The following NUTM2F variants were observed in gnomAD, a reference collection of about 807,000 sequenced individuals.
NUTM2F encodes family with sequence similarity 22, member F.
NUTM2F carries 22 observed loss-of-function variants against 43.3 expected under a neutral mutation model. The ratio of observed to expected loss-of-function variants is 0.51; its 90% CI spans 0.36 to 0.73. The LOEUF (loss-of-function observed/expected upper bound fraction) is 0.73, where lower values mean the gene tolerates loss of function less well. NUTM2F is among the 30% of genes least tolerant of loss of function. The pLI is 0.00. For synonymous variants in NUTM2F, 202 were observed against 389.0 expected (o/e 0.52, Z 5.66); for missense variants, 488 against 927.4 (o/e 0.53, Z 6.15).
At position 94,318,643 on chromosome 9, in the gene NUTM2F, TTCTTGGA is replaced by T. The variant is rs1338569154; in HGVS notation, c.2086_2092del (p.Lys697AspfsTer97). 7.1e-7 allele frequency: 1 copy of T among 1,417,236 alleles called. No homozygotes were observed. The highest frequency in any genetic ancestry group is 6.7e-5 in the East Asian group (1 of 15,030). 87.8% of individuals were successfully genotyped at this position (1,417,236 alleles called of 1,614,324 possible). Reference sequence around the variant, plus strand: ...GGATGGGCTTCCAAAGAGAGGTCGCTTCTTGGACTTGCTGGCAGGAGAAGGTGATGGG... The same window carrying T: ...GGATGGGCTTCCAAAGAGAGGTCGCTCTTGCTGGCAGGAGAAGGTGATGGG... On this transcript the variant is annotated frameshift_variant, in exon 7 of 7. Coordinates refer to ENST00000253262, the MANE Select transcript of NUTM2F (RefSeq NM_017561.2). LOFTEE classifies it low-confidence loss of function (END_TRUNC).
In NUTM2F at chr9:94,320,159, G is replaced by T. The variant is rs752668481; in HGVS notation, c.1368+49C>A. ...AGAGCTTAATTCCAAGGACCTGGAA[G>T]TGCCACCCCCTGGAATCCTACAGAC... On this transcript the variant is annotated intron_variant, in intron 5 of 6. Coordinates refer to ENST00000253262, the MANE Select transcript of NUTM2F (RefSeq NM_017561.2). This position sits in a 1 kb window ranked among gnomAD's most constrained non-coding sequence, Gnocchi z 4.5. The T allele has an allele frequency of 6.4e-6, 10 of 1,555,688 alleles. No individual in the cohort carries two copies. The South Asian group carries it at 1.0e-4, about 16-fold the overall frequency.
chr9:94,321,424 C>A (rs1330851674), intron 3 of NUTM2F, among the ~76,000 whole-genome samples, 192 bp from the exon 4 acceptor site: 1 of 150,680 alleles, frequency 6.6e-6, no homozygotes, highest in Non-Finnish European at 1.5e-5. Context: ...TCACCCGGCC[C>A]CTGCAGAGCC....
At chr9:94,326,351 GGAAACCA>G (rs1002174467) in intron 1 of NUTM2F, among the ~76,000 whole-genome samples, 5 of 151,542 alleles carry the variant, frequency 3.3e-5, no homozygotes, top group African/African-American at 1.2e-4. Flanking sequence ...AAGGCCGACA[GGAAACCA>G]GAAGTTTCCG....
At position 94,321,104 on chromosome 9, in the gene NUTM2F, A is replaced by G; in HGVS notation, c.971T>C (p.Val324Ala). 1 of 1,549,438 alleles carries G rather than the reference A, an allele frequency of 6.5e-7. No individual in the cohort carries two copies. The highest frequency in any genetic ancestry group is 1.2e-5 in the South Asian group (1 of 85,164). ...EPRGPPAPEV[V>A]KQPVYLPSKD... is the part of the protein sequence containing the mutation. ...GTGGGAAGCTGTACCTGGCTGCTTG[A>G]CCACCTCAGGGGCAGGGGGTCCTCG... The change falls in exon 4 of 7, where the codon GTC (valine) becomes GCC (alanine). Residue 324 changes from valine to alanine, a missense_variant. Physicochemically the swap from Val to Ala is moderately conservative, Grantham distance 64. Transcript: ENST00000253262.
chr9:94,325,619 G>A lies in NUTM2F; in HGVS notation c.332C>T (p.Ala111Val), dbSNP rs1321601501. ...GACACCTCCACAGAGGGTGCCTGGA[G>A]CCTGCCAGACGAGGGGGGCCTGAGT... Reference protein sequence around the residue: ...ILTQAPLVWQAPGTLCGGVMC... With the variant: ...ILTQAPLVWQVPGTLCGGVMC... Residue 111 changes from alanine (A) to valine (V), a missense_variant, in exon 2 of 7, where the codon GCT becomes GTT. Physicochemically the swap from Ala to Val is moderately conservative, Grantham distance 64. Transcript: ENST00000253262. The A allele has an allele frequency of 3.7e-6, 6 of 1,603,946 alleles. No individual in the cohort carries two copies. In the South Asian group the frequency reaches 5.5e-5, roughly 15 times the overall value.
chr9:94,324,637 T>C (rs867550849), intron 2 of NUTM2F, among the ~76,000 whole-genome samples: 9 of 138,208 alleles, frequency 6.5e-5, no homozygotes, highest in Non-Finnish European at 1.1e-4. Context: ...CACTCCAGCC[T>C]GGGCGACAGA....
chr9:94,320,124 G>A lies in NUTM2F; in HGVS notation c.1368+84C>T, dbSNP rs1831337542. ...ATGGAAATACACATACTACTGAGTA[G>A]CTAAGGAACAGAGCTTAATTCCAAG... On this transcript the variant is annotated intron_variant, in intron 5 of 6. Transcript: ENST00000253262. The surrounding 1 kb of genome is among the most constrained non-coding windows in gnomAD (Gnocchi z 4.5). 8.5e-7 allele frequency: 1 copy of A among 1,182,060 alleles called. No individual in the cohort carries two copies. The highest frequency in any genetic ancestry group is 1.2e-6 in the Non-Finnish European group (1 of 820,370). The allele number at this position is 1,182,060 out of a possible 1,614,324, so 73.2% of individuals were successfully genotyped here.
intron 1 of NUTM2F, among the ~76,000 whole-genome samples, chr9:94,327,346 C>G (rs1391091089): frequency 6.6e-6 from 1 of 151,526 alleles, no homozygotes; most frequent in African/African-American, 2.4e-5. Context: ...TCGTGATCCA[C>G]ATGCCTTGGT....
rs763928862 is a variant in NUTM2F, at chr9:94,322,343, C to T, written c.714-14G>A. The T allele has an allele frequency of 1.2e-6, 2 of 1,611,776 alleles. No individual in the cohort carries two copies. The highest frequency in any genetic ancestry group is 1.3e-5 in the African/African-American group (1 of 74,914). Reference sequence around the variant, plus strand: ...CGGAGAACTGGGCTGTAAACCAGTGCAGTCAGTCCCAGTCTGTAAGCCCAC... The same window carrying T: ...CGGAGAACTGGGCTGTAAACCAGTGTAGTCAGTCCCAGTCTGTAAGCCCAC... On this transcript the variant is annotated splice_polypyrimidine_tract_variant and intron_variant, in intron 2 of 6. Coordinates refer to ENST00000253262, the MANE Select transcript of NUTM2F (RefSeq NM_017561.2).
Position 94,328,205 on chromosome 9 carries a change from A to G in NUTM2F, c.16+403T>C, listed in dbSNP as rs369254211. On this transcript the variant is annotated intron_variant, in intron 1 of 6. Coordinates refer to ENST00000253262, the MANE Select transcript of NUTM2F (RefSeq NM_017561.2). Reference sequence around the variant, plus strand: ...AGAAAACTCCAGTCCAAATCCCTCTAAACACTATGGAAGGGCACCTTCCAG... The same window carrying G: ...AGAAAACTCCAGTCCAAATCCCTCTGAACACTATGGAAGGGCACCTTCCAG... Among the ~76,000 whole-genome samples the G allele has an allele frequency of 1.1e-3, 161 of 151,074 alleles. No homozygotes were observed. The Middle Eastern group carries it at 0.014, about 13-fold the overall frequency.
chr9:94,325,968 G>T (rs775627799), intron 1 of NUTM2F, 34 bp from the exon 2 acceptor site: 1 of 1,608,928 alleles, frequency 6.2e-7, no homozygotes, highest in East Asian at 2.2e-5. Flanking sequence ...GAATGAGCTG[G>T]CGTCTCCAGG....
At chr9:94,322,862 A>G (rs1020216674) in intron 2 of NUTM2F, among the ~76,000 whole-genome samples, 19 of 152,220 alleles carry the variant, frequency 1.2e-4, no homozygotes, top group Admixed American at 1.3e-4. Flanking sequence ...ACTAGGAGAC[A>G]TGAATGTGTC....
At chr9:94,324,506 C>CA (rs71500062) in intron 2 of NUTM2F, among the ~76,000 whole-genome samples, 2 of 144,610 alleles carry the variant, frequency 1.4e-5, no homozygotes, top group East Asian at 4.3e-4. Context: ...ACTAAAAATA[C>CA]AAAAAAATTA....
rs763347482 is a variant in NUTM2F at position 94,321,244 on chromosome 9, G to A, written c.843-12C>T. On this transcript the variant is annotated splice_polypyrimidine_tract_variant and intron_variant, in intron 3 of 6. Transcript: ENST00000253262. The stretch of plus-strand genomic sequence containing the variant: ...CAAATTCCAGGAACCTGTGGGTGAA[G>A]GAGGCCCAGGCTGTGCTGAGAGGGT... The A allele has an allele frequency of 6.3e-7, 1 of 1,575,088 alleles. No individual in the cohort carries two copies. Among genetic ancestry groups the A allele is most frequent in the East Asian group, 2.3e-5 (1 of 43,972 alleles).
At chr9:94,322,698 A>T (rs1410253277) in intron 2 of NUTM2F, among the ~76,000 whole-genome samples, 1 of 151,710 alleles carries the variant, frequency 6.6e-6, no homozygotes, top group Non-Finnish European at 1.5e-5. Context: ...CAGTCATGGA[A>T]TCCGAGCTCT....
At chr9:94,324,711 C>T (rs975101036) in intron 2 of NUTM2F, among the ~76,000 whole-genome samples, 3 of 148,416 alleles carry the variant, frequency 2.0e-5, no homozygotes, top group South Asian at 2.2e-4. Context: ...AGTATTGGGG[C>T]GGGGCATGAT....
intron 2 of NUTM2F, among the ~76,000 whole-genome samples, chr9:94,324,728 T>C (rs1363835390): frequency 4.7e-5 from 7 of 149,790 alleles, no homozygotes; most frequent in Admixed American, 3.3e-4. Flanking sequence ...TGATGGCTCA[T>C]GCCTGTAATC....
Position 94,320,397 on chromosome 9 carries a change from T to A in NUTM2F, c.1179A>T (p.Glu393Asp). The change falls in exon 5 of 7, where the codon GAA becomes GAT. Residue 393 changes from glutamate (E) to aspartate (D), a missense_variant. Physicochemically the swap from Glu to Asp is conservative, Grantham distance 45 (BLOSUM62 2). Transcript: ENST00000253262. This position sits in a 1 kb window ranked among gnomAD's most constrained non-coding sequence, Gnocchi z 4.5. The stretch of plus-strand genomic sequence containing the variant: ...TGATGTCCACATACTCCTGCACCAC[T>A]TCAGGGGGGATCTCCTCAGGGACCT... ...ETKVPEEIPP[E>D]VVQEYVDIME... 6.2e-7 allele frequency: 1 copy of A among 1,613,016 alleles called. No homozygotes were observed. Among genetic ancestry groups the A allele is most frequent in the Non-Finnish European group, 8.5e-7 (1 of 1,179,850 alleles).
chr9:94,326,200 G>A (rs1342891337), intron 1 of NUTM2F, among the ~76,000 whole-genome samples: 3 of 151,972 alleles, frequency 2.0e-5, no homozygotes, highest in East Asian at 3.9e-4. Context: ...GGTCTCCCTC[G>A]GGTGTCCCTG....
Sources: allele counts gnomAD v4.1 joint callset (sites outside exome capture counted in the v4.1 genomes callset), GRCh38; gene constraint gnomAD v4.1.1; non-coding constraint Gnocchi (gnomAD v3.1); transcripts MANE v1.5; gene names NCBI Gene and HGNC (gene_info 2026-07-23, HGNC 2026-07-21).